The following ARHGAP15 variants were observed in gnomAD, a reference collection of about 807,000 sequenced individuals.
ARHGAP15 encodes the protein Rho GTPase activating protein 15.
In ARHGAP15, 51 loss-of-function variants were observed where a neutral mutation model predicts 63.7. That is an observed-to-expected ratio of 0.80 (90% confidence interval 0.64 to 1.01). The LOEUF (loss-of-function observed/expected upper bound fraction) is 1.01. Among genes scored for constraint, ARHGAP15 ranks in the 50% least tolerant of loss-of-function variants. ARHGAP15 has a pLI of 0.00. For missense variants in ARHGAP15, 560 were observed against 564.6 expected (o/e 0.99, Z 0.08); for synonymous variants, 191 against 193.8 (o/e 0.99, Z 0.12).
chr2:143,255,576 ACTT>A lies in ARHGAP15; in HGVS notation c.474+4977_474+4979del, dbSNP rs1182356085. 1.3e-5 allele frequency among the ~76,000 whole-genome samples: 2 copies of A among 152,088 alleles called. 1 individual carries two copies. Among genetic ancestry groups the A allele is most frequent in the South Asian group, 4.1e-4 (2 of 4,828 alleles). On this transcript the variant is annotated intron_variant, in intron 6 of 13. Coordinates refer to ENST00000295095, the MANE Select transcript of ARHGAP15 (RefSeq NM_018460.4). ...TCTTATCTTAAAATGTTTAAGTACT[ACTT>A]AAGTTTATTAATGTGAAGATAATTT... is the stretch of plus-strand genomic sequence containing the variant.
chr2:143,343,018 A>G (rs1685129069), intron 6 of ARHGAP15, among the ~76,000 whole-genome samples: 1 of 152,028 alleles, frequency 6.6e-6, no homozygotes. Context: ...AGATTAGAAA[A>G]TTTTATCTAT....
At chr2:143,404,854 C>T (rs962765663) in intron 6 of ARHGAP15, among the ~76,000 whole-genome samples, 2 of 151,874 alleles carry the variant, frequency 1.3e-5, no homozygotes, top group African/African-American at 4.8e-5. Context: ...TGATCATGCT[C>T]TTAAAATTAA....
At chr2:143,461,940 A>G (rs1464635648) in intron 8 of ARHGAP15, among the ~76,000 whole-genome samples, 3 of 152,096 alleles carry the variant, frequency 2.0e-5, no homozygotes, top group Non-Finnish European at 4.4e-5. Context: ...AGGCAGAGTA[A>G]GGCTGATCGC....
At position 143,163,482 on chromosome 2, in the gene ARHGAP15, A is replaced by G. The variant is rs1384274477; in HGVS notation, c.165+7827A>G. Among the ~76,000 whole-genome samples the G allele has an allele frequency of 1.5e-4, 23 of 151,852 alleles. 1 individual carries two copies. Among genetic ancestry groups the G allele is most frequent in the Admixed American group, 1.5e-3 (23 of 15,212 alleles). ...GTATTTGTATATAATTTATATTTGGACCTATTTTTATGTTCCAGGAGAAAA... is the reference window on the plus strand; with the variant it reads ...GTATTTGTATATAATTTATATTTGGGCCTATTTTTATGTTCCAGGAGAAAA... On this transcript the variant is annotated intron_variant, in intron 2 of 13. Transcript: ENST00000295095.
chr2:143,637,151 G>A (rs1443369503), intron 12 of ARHGAP15, among the ~76,000 whole-genome samples: 1 of 151,988 alleles, frequency 6.6e-6, no homozygotes, highest in African/African-American at 2.4e-5. Flanking sequence ...TGAGGGTTAG[G>A]GCTTCAATGT....
At chr2:143,485,496 T>A (rs1239095221) in intron 8 of ARHGAP15, among the ~76,000 whole-genome samples, 1 of 152,244 alleles carries the variant, frequency 6.6e-6, no homozygotes, top group African/African-American at 2.4e-5. Context: ...AGAGTTCTTT[T>A]ACATTTTCTC....
Position 143,454,130 on chromosome 2 carries a change from G to A in ARHGAP15, c.703+17088G>A, listed in dbSNP as rs531834845. ...CCTGAAGCCTTCCTTAGTAATCACC[G>A]TCATTGAGAGGCCCTGAGGACTCGT... On this transcript the variant is annotated intron_variant, in intron 8 of 13. Coordinates refer to ENST00000295095, the MANE Select transcript of ARHGAP15 (RefSeq NM_018460.4). 3.9e-5 allele frequency among the ~76,000 whole-genome samples: 6 copies of A among 152,072 alleles called. No individual in the cohort carries two copies. The South Asian group carries it at 8.3e-4, about 21-fold the overall frequency.
chr2:143,297,485 C>G (rs928330133), intron 6 of ARHGAP15, among the ~76,000 whole-genome samples: 5 of 151,934 alleles, frequency 3.3e-5, no homozygotes, highest in African/African-American at 1.2e-4. Flanking sequence ...GTTGTCTGGT[C>G]ATGGTTTCTT....
intron 11 of ARHGAP15, among the ~76,000 whole-genome samples, chr2:143,579,619 A>G (rs952935987): frequency 1.3e-5 from 2 of 152,130 alleles, no homozygotes; most frequent in African/African-American, 4.8e-5. Flanking sequence ...GAGCAACTCA[A>G]ATGCATCCCT....
At chr2:143,366,265 ATTCT>A (rs766911337) in intron 6 of ARHGAP15, among the ~76,000 whole-genome samples, 1 of 152,100 alleles carries the variant, frequency 6.6e-6, no homozygotes, top group Non-Finnish European at 1.5e-5. Flanking sequence ...TTTTTGGATG[ATTCT>A]TTCTGATGTT....
intron 13 of ARHGAP15, among the ~76,000 whole-genome samples, chr2:143,718,291 CCCT>C (rs1278730256): frequency 1.3e-5 from 2 of 152,086 alleles, no homozygotes; most frequent in Admixed American, 6.6e-5. Flanking sequence ...ATAACTAGAA[CCCT>C]AGGCTTCACT....
At chr2:143,326,206 T>G (rs1476173581) in intron 6 of ARHGAP15, among the ~76,000 whole-genome samples, 3 of 152,208 alleles carry the variant, frequency 2.0e-5, no homozygotes, top group African/African-American at 4.8e-5. Context: ...TATGGTACTT[T>G]ATTATTTTCA....
intron 13 of ARHGAP15, among the ~76,000 whole-genome samples, chr2:143,731,318 T>TG (rs1420670329): frequency 6.6e-6 from 1 of 152,186 alleles, no homozygotes; most frequent in East Asian, 1.9e-4. Flanking sequence ...TGGTTTCCAA[T>TG]GGGGGTAATT....
chr2:143,588,353 T>C (rs183815448), intron 11 of ARHGAP15, among the ~76,000 whole-genome samples: 186 of 152,276 alleles, frequency 1.2e-3, no homozygotes, highest in South Asian at 2.9e-3. Flanking sequence ...AAGAGACAGG[T>C]GTAAATTTTT....
intron 13 of ARHGAP15, among the ~76,000 whole-genome samples, chr2:143,762,032 T>C (rs761580577): frequency 2.6e-5 from 4 of 152,200 alleles, no homozygotes; most frequent in Non-Finnish European, 1.5e-5. Context: ...TGTCAGGCTA[T>C]TTAAAACTAA....
At chr2:143,664,912 G>A (rs1302757947) in intron 12 of ARHGAP15, among the ~76,000 whole-genome samples, 1 of 151,902 alleles carries the variant, frequency 6.6e-6, no homozygotes, top group African/African-American at 2.4e-5. Context: ...AGCTGAAATT[G>A]TGGCAATAAT....
intron 12 of ARHGAP15, among the ~76,000 whole-genome samples, chr2:143,645,041 G>T (rs1680803075): frequency 6.6e-6 from 1 of 152,028 alleles, no homozygotes; most frequent in Admixed American, 6.6e-5. Flanking sequence ...ATTGGATGAA[G>T]ATGTATGATG....
At chr2:143,635,221 T>TC (rs1680250266) in intron 12 of ARHGAP15, among the ~76,000 whole-genome samples, 1 of 137,022 alleles carries the variant, frequency 7.3e-6, no homozygotes, top group Admixed American at 7.2e-5. Context: ...TTTTTTTTTT[T>TC]TTCAAATTTT....
chr2:143,498,158 G>T (rs988780485), intron 9 of ARHGAP15, among the ~76,000 whole-genome samples: 1 of 151,834 alleles, frequency 6.6e-6, no homozygotes, highest in Admixed American at 6.6e-5. Context: ...AAATTTCTAA[G>T]ATTCAAAAAA....
Sources: allele counts gnomAD v4.1 joint callset (sites outside exome capture counted in the v4.1 genomes callset), GRCh38; gene constraint gnomAD v4.1.1; transcripts MANE v1.5; gene names NCBI Gene and HGNC (gene_info 2026-07-23, HGNC 2026-07-21).